Variants in TNS3 observed in about 807,000 individuals in gnomAD.
TNS3 encodes tensin 3.
TNS3 carries 45 observed loss-of-function variants against 140.9 expected under a neutral mutation model. The ratio of observed to expected loss-of-function variants is 0.32; its 90% CI spans 0.25 to 0.41. TNS3 has a LOEUF of 0.41. Ranked by LOEUF, TNS3 falls within the 10% of genes least tolerant of loss-of-function variation. The pLI, the probability that TNS3 is intolerant of heterozygous loss-of-function variation, is 1.00. For synonymous variants in TNS3, 815 were observed against 788.4 expected (o/e 1.03, Z -0.56); for missense variants, 1,716 against 1,906.7 (o/e 0.90, Z 1.86).
At chr7:47,411,130 G>T (rs567681664) in intron 13 of TNS3, among the ~76,000 whole-genome samples, 73 of 152,200 alleles carry the variant, frequency 4.8e-4, no homozygotes, top group Non-Finnish European at 9.6e-4. Flanking sequence ...GAACACAGGG[G>T]TTCTCAGAAG....
rs538575663 is a variant in TNS3 at position 47,435,300 on chromosome 7, C to T, written c.306G>A (p.Val102=). Residue 102 remains valine, a synonymous_variant, in exon 8 of 31, where the codon GTG becomes GTA. Transcript: ENST00000311160. ...CACTCACCCTGCAGTGAATGACGAC[C>T]ACATGCTGGAGGTTGCTGTTCAGCC... ...ESWLNSNLQH[V]VVIHCRGGKG... is the part of the protein sequence containing the mutation. The T allele has an allele frequency of 1.9e-6, 3 of 1,614,104 alleles. No homozygotes were observed. The highest frequency in any genetic ancestry group is 2.5e-6 in the Non-Finnish European group (3 of 1,180,012).
intron 4 of TNS3, among the ~76,000 whole-genome samples, chr7:47,458,885 A>T (rs2151676845): frequency 6.6e-6 from 1 of 152,366 alleles, no homozygotes; most frequent in African/African-American, 2.4e-5. Context: ...GAAAATTCAG[A>T]AAGTAGACAT....
chr7:47,358,312 AT>A (rs1284928626), intron 17 of TNS3, among the ~76,000 whole-genome samples: 1 of 151,710 alleles, frequency 6.6e-6, no homozygotes, highest in Non-Finnish European at 1.5e-5. Context: ...TAATTTTTGT[AT>A]TTTTTAGTAG....
chr7:47,339,431 A>G (rs1788819234), intron 20 of TNS3, among the ~76,000 whole-genome samples: 1 of 152,190 alleles, frequency 6.6e-6, no homozygotes, highest in Non-Finnish European at 1.5e-5. Context: ...GTGCCCCCGC[A>G]TCATTTGTTG....
chr7:47,345,712 G>T (rs1026646065), intron 18 of TNS3, among the ~76,000 whole-genome samples: 1 of 152,130 alleles, frequency 6.6e-6, no homozygotes, highest in Admixed American at 6.5e-5. Flanking sequence ...TCACCTCCTA[G>T]GGAGGTCTCG....
chr7:47,368,323 G>C, intron 17 of TNS3, 42 bp downstream of exon 17: 2 of 1,435,108 alleles, frequency 1.4e-6, no homozygotes, highest in Non-Finnish European at 1.8e-6. Flanking sequence ...GCCTCCCGTG[G>C]AGCACCTCCC....
At chr7:47,553,293 C>T (rs1800109999) in intron 1 of TNS3, among the ~76,000 whole-genome samples, 1 of 152,216 alleles carries the variant, frequency 6.6e-6, no homozygotes, top group Non-Finnish European at 1.5e-5. Flanking sequence ...TCAATGCAGA[C>T]AAAATCAGCC....
rs930025737 is a variant in TNS3, at chr7:47,414,529, A to G, written c.587-532T>C. Among the ~76,000 whole-genome samples the G allele has an allele frequency of 4.6e-5, 7 of 151,730 alleles. 1 individual carries two copies. Among genetic ancestry groups the G allele is most frequent in the Non-Finnish European group, 7.4e-5 (5 of 67,932 alleles). On this transcript the variant is annotated intron_variant, in intron 11 of 30. Coordinates refer to ENST00000311160, the MANE Select transcript of TNS3 (RefSeq NM_022748.12). ...GGGCCCTGCTGACCCTCGGCCATAT[A>G]CTCTGTGCACCTTTGGGGAACTGGG...
chr7:47,503,044 A>C (rs1283003162), intron 3 of TNS3, among the ~76,000 whole-genome samples: 2 of 151,988 alleles, frequency 1.3e-5, no homozygotes, highest in Admixed American at 1.3e-4. Flanking sequence ...GCGCATCGGG[A>C]CCCTGTGCAG....
intron 1 of TNS3, among the ~76,000 whole-genome samples, chr7:47,542,950 T>G (rs1468800504): frequency 6.7e-6 from 1 of 148,714 alleles, no homozygotes; most frequent in Non-Finnish European, 1.5e-5. Flanking sequence ...AAAGGCACTT[T>G]GCCTCTGATA....
chr7:47,284,043 T>C (rs1338960664), intron 27 of TNS3, among the ~76,000 whole-genome samples, 178 bp from the exon 28 acceptor site: 1 of 152,190 alleles, frequency 6.6e-6, no homozygotes, highest in Admixed American at 6.5e-5. Context: ...ACATGAACAG[T>C]GAGTGCTCCA....
chr7:47,524,811 G>GAA (rs58986640), intron 2 of TNS3, among the ~76,000 whole-genome samples: 1 of 93,014 alleles, frequency 1.1e-5, no homozygotes, highest in Non-Finnish European at 1.8e-5. Context: ...TCCGTCTCAA[G>GAA]AAAAAAAAAA....
chr7:47,464,966 G>A (rs1331567171), intron 4 of TNS3, among the ~76,000 whole-genome samples: 1 of 152,182 alleles, frequency 6.6e-6, no homozygotes, highest in Non-Finnish European at 1.5e-5. Context: ...CACAATCTGT[G>A]CTCACTGGAT....
intron 1 of TNS3, among the ~76,000 whole-genome samples, chr7:47,580,175 G>C (rs978883422): frequency 1.3e-5 from 2 of 152,140 alleles, no homozygotes; most frequent in Admixed American, 1.3e-4. Context: ...GTCGACAGAC[G>C]CGCAGCAGCA....
chr7:47,511,639 G>C lies in TNS3; in HGVS notation c.-152-4695C>G, dbSNP rs1241789492. Among the ~76,000 whole-genome samples the C allele has an allele frequency of 2.6e-5, 4 of 151,870 alleles. No homozygotes were observed. The East Asian group carries it at 5.8e-4, about 22-fold the overall frequency. Reference sequence around the variant, plus strand: ...GCAACCCCGTTCATTCTCCTTGCCTGAGGCTCTCAGAATGGGGTAAGGACC... The same window carrying C: ...GCAACCCCGTTCATTCTCCTTGCCTCAGGCTCTCAGAATGGGGTAAGGACC... On this transcript the variant is annotated intron_variant, in intron 2 of 30. Transcript: ENST00000311160.
intron 10 of TNS3, among the ~76,000 whole-genome samples, chr7:47,419,071 C>G (rs1336772042): frequency 6.6e-6 from 1 of 152,252 alleles, no homozygotes; most frequent in African/African-American, 2.4e-5. Flanking sequence ...TTCTGCTGAG[C>G]ATTCCCTTCC....
Position 47,369,123 on chromosome 7 carries a change from C to T in TNS3, c.1523G>A (p.Gly508Asp), listed in dbSNP as rs745865225. 14 of 1,613,804 alleles carry T rather than the reference C, an allele frequency of 8.7e-6. No homozygotes were observed. The highest frequency in any genetic ancestry group is 1.1e-5 in the Non-Finnish European group (13 of 1,180,012). The change falls in exon 17 of 31, where the codon GGT (glycine) becomes GAT (aspartate). Residue 508 changes from glycine (G) to aspartate (D), a missense_variant. Transcript: ENST00000311160. ...GCTGCTCTTGTGGCAGGTGAAGGGACCCAGGTGGGCCGACTGAGGCCCTTC... is the reference window on the plus strand; with the variant it reads ...GCTGCTCTTGTGGCAGGTGAAGGGATCCAGGTGGGCCGACTGAGGCCCTTC... ...SSEGPQSAHL[G>D]PFTCHKSSQN...
intron 4 of TNS3, among the ~76,000 whole-genome samples, chr7:47,452,674 CA>C (rs1796068846): frequency 6.6e-6 from 1 of 152,202 alleles, no homozygotes; most frequent in Non-Finnish European, 1.5e-5. Context: ...TCAGCATTTC[CA>C]AAGAAGTCGG....
intron 2 of TNS3, among the ~76,000 whole-genome samples, chr7:47,508,670 A>G (rs1185024158): frequency 1.3e-5 from 2 of 152,184 alleles, no homozygotes; most frequent in African/African-American, 4.8e-5. Flanking sequence ...ATGCTGGTGT[A>G]TAGCCCCCTC....
Sources: allele counts gnomAD v4.1 joint callset (sites outside exome capture counted in the v4.1 genomes callset), GRCh38; gene constraint gnomAD v4.1.1; transcripts MANE v1.5; gene names NCBI Gene and HGNC (gene_info 2026-07-23, HGNC 2026-07-21).